The following DPF3 variants were observed in gnomAD, a reference collection of about 807,000 sequenced individuals.
DPF3 encodes zinc finger protein DPF3.
DPF3 carries 18 observed loss-of-function variants against 56.8 expected under a neutral mutation model. The observed-to-expected ratio is 0.32, with a 90% CI of 0.22 to 0.47. The LOEUF is 0.47. Ranked by LOEUF, DPF3 falls within the 20% of genes least tolerant of loss-of-function variation. DPF3 has a pLI of 1.00. For missense variants in DPF3, 403 were observed against 488.8 expected, an observed-to-expected ratio of 0.82 and a Z score of 1.65; for synonymous variants, 188 against 180.2, an observed-to-expected ratio of 1.04 and a Z score of -0.35.
rs1224702718 is a variant in DPF3, at chr14:72,616,681, C to T, written c.*2616G>A. Among the ~76,000 whole-genome samples, 5 of 152,182 alleles carry T rather than the reference C, an allele frequency of 3.3e-5. No individual in the cohort carries two copies. The highest frequency in any genetic ancestry group is 2.6e-4 in the Admixed American group (4 of 15,288). ...ATTGAGGTTCAGGGAGGTTAGGTGA[C>T]TTGCCCAGTGTCACACAGCTACTCC... is the stretch of plus-strand genomic sequence containing the variant. On this transcript the variant is annotated 3_prime_UTR_variant, in exon 11 of 11. Transcript: ENST00000556509.
intron 1 of DPF3, among the ~76,000 whole-genome samples, chr14:72,856,855 T>C (rs1470251921): frequency 6.6e-6 from 1 of 152,150 alleles, no homozygotes; most frequent in Non-Finnish European, 1.5e-5. Flanking sequence ...CCTCAGTAAC[T>C]GTGCAAGAGG....
chr14:72,894,054 T>C lies in DPF3; in HGVS notation c.32+3A>G. ...AATATGTACATTTTTTAGTCTTACT[T>C]ACGCTTTCAGGGGGTTGTGAATGAC... On this transcript the variant is annotated splice_donor_region_variant and intron_variant, in intron 1 of 10. Coordinates refer to ENST00000556509, the MANE Select transcript of DPF3 (RefSeq NM_001280542.3). The C allele has an allele frequency of 6.2e-7, 1 of 1,610,742 alleles. No individual in the cohort carries two copies. The highest frequency in any genetic ancestry group is 1.1e-5 in the South Asian group (1 of 90,142).
chr14:72,653,542 C>T (rs1885978236), intron 8 of DPF3, among the ~76,000 whole-genome samples: 1 of 152,236 alleles, frequency 6.6e-6, no homozygotes, highest in Admixed American at 6.5e-5. Flanking sequence ...CCCCAAGGAG[C>T]TTCACGGCCA....
chr14:72,632,493 T>C (rs924109217), intron 8 of DPF3, among the ~76,000 whole-genome samples: 1 of 151,414 alleles, frequency 6.6e-6, no homozygotes, highest in Non-Finnish European at 1.5e-5. Context: ...TCAAAATAAA[T>C]AGTTGAAAAT....
intron 8 of DPF3, among the ~76,000 whole-genome samples, chr14:72,641,318 C>T (rs1316346106): frequency 6.6e-6 from 1 of 152,216 alleles, no homozygotes; most frequent in Non-Finnish European, 1.5e-5. Context: ...GCACCGTGCA[C>T]AATGATCTCA....
chr14:72,743,689 GT>G (rs544386995), intron 3 of DPF3, among the ~76,000 whole-genome samples: 4 of 151,906 alleles, frequency 2.6e-5, no homozygotes, highest in African/African-American at 9.7e-5. Flanking sequence ...AACATCTGCT[GT>G]GCTCCCAGGC....
At chr14:72,828,927 G>A (rs1035574743) in intron 1 of DPF3, among the ~76,000 whole-genome samples, 1 of 152,192 alleles carries the variant, frequency 6.6e-6, no homozygotes, top group Non-Finnish European at 1.5e-5. Flanking sequence ...TCGCAGGACT[G>A]GGTGTCCCAC....
chr14:72,883,616 C>T (rs1026792893), intron 1 of DPF3, among the ~76,000 whole-genome samples: 3 of 152,236 alleles, frequency 2.0e-5, no homozygotes, highest in Admixed American at 1.3e-4. Context: ...CACCGCAATG[C>T]TCTCTGGTCT....
intron 1 of DPF3, among the ~76,000 whole-genome samples, chr14:72,822,147 G>A (rs2109794): frequency 0.29 from 44,653 of 152,146 alleles, 7,078 homozygotes; most frequent in Middle Eastern, 0.46. Flanking sequence ...GGAGGCCAAG[G>A]TGGGTGGATC....
intron 3 of DPF3, among the ~76,000 whole-genome samples, chr14:72,740,981 G>C (rs548785244): frequency 1.3e-5 from 2 of 152,058 alleles, no homozygotes; most frequent in African/African-American, 2.4e-5. Flanking sequence ...GCAGGAGGAG[G>C]ATCACGTGAA....
chr14:72,741,851 C>T (rs946848731), intron 3 of DPF3, among the ~76,000 whole-genome samples: 2 of 152,228 alleles, frequency 1.3e-5, no homozygotes, highest in African/African-American at 4.8e-5. Context: ...ATGCTCTACA[C>T]GTGGCTCTGC....
At chr14:72,703,542 A>G (rs1888272129) in intron 6 of DPF3, among the ~76,000 whole-genome samples, 1 of 152,134 alleles carries the variant, frequency 6.6e-6, no homozygotes, top group Admixed American at 6.5e-5. Context: ...AAAGCACTCC[A>G]TGTGTTATGG....
chr14:72,858,988 T>C (rs1023829189), intron 1 of DPF3, among the ~76,000 whole-genome samples: 5 of 152,200 alleles, frequency 3.3e-5, no homozygotes, highest in Non-Finnish European at 5.9e-5. Context: ...CACACATACC[T>C]ATATACACAT....
At chr14:72,867,229 C>T (rs906717497) in intron 1 of DPF3, among the ~76,000 whole-genome samples, 10 of 152,014 alleles carry the variant, frequency 6.6e-5, no homozygotes, top group South Asian at 2.1e-4. Context: ...CTGGAAAATA[C>T]GAGCAAAAAA....
At chr14:72,779,895 G>A (rs1232807941) in intron 1 of DPF3, among the ~76,000 whole-genome samples, 1 of 152,292 alleles carries the variant, frequency 6.6e-6, no homozygotes, top group East Asian at 1.9e-4. Flanking sequence ...AAGGCCTCTG[G>A]GTCACCAAGG....
intron 4 of DPF3, among the ~76,000 whole-genome samples, chr14:72,727,353 G>T (rs567165702): frequency 1.3e-5 from 2 of 152,140 alleles, no homozygotes; most frequent in African/African-American, 2.4e-5. Flanking sequence ...CGAGGCAGGC[G>T]GATCACGAGG....
In DPF3 at chr14:72,673,681, T is replaced by C. The variant is rs185352503; in HGVS notation, c.871+559A>G. Among the ~76,000 whole-genome samples the C allele has an allele frequency of 8.8e-4, 134 of 152,354 alleles. 2 individuals are homozygous for C. Among genetic ancestry groups the C allele is most frequent in the Non-Finnish European group, 8.7e-4 (59 of 68,036 alleles). On this transcript the variant is annotated intron_variant, in intron 8 of 10. Transcript: ENST00000556509. Reference sequence around the variant, plus strand: ...TAGGAATGCCTGTCCTTTTGCCTCATTGATCTATCGGGGTCTCTTCTGTTC... The same window carrying C: ...TAGGAATGCCTGTCCTTTTGCCTCACTGATCTATCGGGGTCTCTTCTGTTC...
At chr14:72,791,376 G>T (rs561463931) in intron 1 of DPF3, among the ~76,000 whole-genome samples, 1 of 152,136 alleles carries the variant, frequency 6.6e-6, no homozygotes, top group South Asian at 2.1e-4. Context: ...TTGCTGCCAG[G>T]GTTTGTTCTC....
chr14:72,721,656 G>C (rs1328122009), intron 5 of DPF3, among the ~76,000 whole-genome samples: 1 of 151,814 alleles, frequency 6.6e-6, no homozygotes, highest in African/African-American at 2.4e-5. Context: ...AACTGGACAG[G>C]GTATGCCCCT....
Sources: allele counts gnomAD v4.1 joint callset (sites outside exome capture counted in the v4.1 genomes callset), GRCh38; gene constraint gnomAD v4.1.1; transcripts MANE v1.5; gene names NCBI Gene and HGNC (gene_info 2026-07-23, HGNC 2026-07-21).